EYS: variants seen among roughly 807,000 people sequenced by gnomAD.
EYS encodes the protein EGF-like photoreceptor maintenance factor, also known as protein eyes shut homolog.
In EYS, 250 loss-of-function variants were observed where a neutral mutation model predicts 282.1. That is an observed-to-expected ratio of 0.89 (90% CI 0.80 to 0.98). The LOEUF is 0.98. EYS is among the 50% of genes least tolerant of loss of function. EYS has a pLI of 0.00. For synonymous variants in EYS, 1,355 were observed against 1,282.9 expected, an observed-to-expected ratio of 1.06 and a Z score of -1.20; for missense variants, 4,016 against 3,709.0, an observed-to-expected ratio of 1.08 and a Z score of -2.15.
intron 30 of EYS, among the ~76,000 whole-genome samples, chr6:64,255,169 C>T (rs1339741046): frequency 6.6e-6 from 1 of 151,962 alleles, no homozygotes; most frequent in African/African-American, 2.4e-5. Context: ...TCAGTAGAAG[C>T]TGAGGCAAAA....
chr6:65,031,033 C>T (rs1016789426), intron 13 of EYS, among the ~76,000 whole-genome samples: 1 of 151,328 alleles, frequency 6.6e-6, no homozygotes, highest in African/African-American at 2.4e-5. Flanking sequence ...TTTAAACCAG[C>T]AAAGATAAAA....
At position 64,680,425 on chromosome 6, in the gene EYS, C is replaced by G. The variant is rs545559488; in HGVS notation, c.3444-54180G>C. ...AAATGAGTGCTGAGAGTCTGTGACA[C>G]TTGAACCACAACCCATTAACCACAA... is the stretch of plus-strand genomic sequence containing the variant. On this transcript the variant is annotated intron_variant, in intron 22 of 42. Transcript: ENST00000503581. Among the ~76,000 whole-genome samples, 104 of 152,328 alleles carry G rather than the reference C, an allele frequency of 6.8e-4. No homozygotes were observed. The Middle Eastern group carries it at 0.01, about 15-fold the overall frequency.
At chr6:64,451,787 A>G (rs1775357079) in intron 26 of EYS, among the ~76,000 whole-genome samples, 1 of 152,230 alleles carries the variant, frequency 6.6e-6, no homozygotes, top group Admixed American at 6.5e-5. Context: ...GATGCAGAAA[A>G]GGCTTTTGAC....
chr6:63,948,570 GACAA>G (rs1020634259), intron 35 of EYS, among the ~76,000 whole-genome samples: 2 of 152,050 alleles, frequency 1.3e-5, no homozygotes, highest in Non-Finnish European at 2.9e-5. Flanking sequence ...CATTTTAGGG[GACAA>G]ACATTTTTCT....
intron 5 of EYS, among the ~76,000 whole-genome samples, chr6:65,435,275 G>A (rs1271839625): frequency 4.0e-5 from 6 of 151,884 alleles, no homozygotes; most frequent in African/African-American, 9.7e-5. Context: ...TATTTATGAT[G>A]ATAAAGCCTT....
chr6:64,971,010 TAAGG>T (rs1770274826), intron 14 of EYS, among the ~76,000 whole-genome samples: 1 of 152,160 alleles, frequency 6.6e-6, no homozygotes, highest in African/African-American at 2.4e-5. Flanking sequence ...AGGATTGCTC[TAAGG>T]AAGGCATAAC....
chr6:63,733,037 T>G (rs1464317277), intron 41 of EYS, among the ~76,000 whole-genome samples: 1 of 152,064 alleles, frequency 6.6e-6, no homozygotes, highest in Non-Finnish European at 1.5e-5. Flanking sequence ...AGGTAAAGAA[T>G]TGGGCCAAGT....
At chr6:63,860,282 A>T (rs551815560) in intron 36 of EYS, among the ~76,000 whole-genome samples, 24 of 152,192 alleles carry the variant, frequency 1.6e-4, no homozygotes, top group Middle Eastern at 3.4e-3. Context: ...TTTTTTTGTG[A>T]CTCAAAAATA....
At chr6:64,765,247 G>A (rs1472007793) in intron 22 of EYS, among the ~76,000 whole-genome samples, 1 of 152,138 alleles carries the variant, frequency 6.6e-6, no homozygotes, top group Non-Finnish European at 1.5e-5. Context: ...CTAAAGCATA[G>A]CAAGAATGAC....
In EYS at chr6:65,295,945, G is replaced by T. The variant is rs1768650534; in HGVS notation, c.1941C>A (p.Cys647Ter). Residue 647 changes from cysteine (C) to a stop codon, truncating the protein, a stop_gained, in exon 12 of 43, where the codon TGC (cysteine) becomes TGA (stop). Transcript: ENST00000503581. LOFTEE classifies it high-confidence loss of function. ...TTCCATTTTTGCAGGACGCAGATTT[G>T]CAGTCTTCAGTATCTATCTCACAGA... Reference protein sequence around the residue: ...RNICEIDTEDCKSASCKNGTT... With the variant: ...RNICEIDTED 1.3e-6 allele frequency: 2 copies of T among 1,550,676 alleles called. No individual in the cohort carries two copies. Among genetic ancestry groups the T allele is most frequent in the Non-Finnish European group, 8.7e-7 (1 of 1,146,402 alleles).
chr6:63,767,480 AG>A (rs1301254806), intron 40 of EYS, among the ~76,000 whole-genome samples: 1 of 152,142 alleles, frequency 6.6e-6, no homozygotes, highest in African/African-American at 2.4e-5. Flanking sequence ...TCCCATTTAC[AG>A]TAGCCACAAA....
intron 1 of EYS, among the ~76,000 whole-genome samples, chr6:65,665,310 T>C (rs931444537): frequency 9.2e-5 from 14 of 152,266 alleles, no homozygotes; most frequent in Admixed American, 2.6e-4. Context: ...CCAGGAAGTA[T>C]ACTTTCTTTC....
intron 26 of EYS, among the ~76,000 whole-genome samples, chr6:64,557,237 C>T (rs867882277): frequency 8.6e-4 from 130 of 151,042 alleles, no homozygotes; most frequent in African/African-American, 3.1e-3. Context: ...CACACACACA[C>T]ACACACACAC....
intron 40 of EYS, among the ~76,000 whole-genome samples, chr6:63,768,274 CA>C (rs1168532992): frequency 7.9e-5 from 12 of 151,910 alleles, no homozygotes; most frequent in Admixed American, 7.9e-4. Flanking sequence ...AAACTATCAA[CA>C]GAGTAAACAG....
intron 14 of EYS, among the ~76,000 whole-genome samples, chr6:64,966,107 T>C (rs897786179): frequency 2.6e-5 from 4 of 152,140 alleles, no homozygotes; most frequent in Non-Finnish European, 4.4e-5. Flanking sequence ...GCCTTTGAGT[T>C]GGAGAAAAGA....
At chr6:65,570,067 A>G (rs944876693) in intron 2 of EYS, among the ~76,000 whole-genome samples, 12 of 152,058 alleles carry the variant, frequency 7.9e-5, no homozygotes, top group Non-Finnish European at 1.5e-4. Context: ...TCTTATTCCA[A>G]CCTCAATGCC....
chr6:65,423,707 A>C (rs111933857), intron 5 of EYS, among the ~76,000 whole-genome samples: 179 of 151,936 alleles, frequency 1.2e-3, no homozygotes, highest in African/African-American at 3.9e-3. Flanking sequence ...GGCCCAACTC[A>C]AGCAAGGCCA....
chr6:63,781,609 G>A (rs1257367679), intron 39 of EYS, among the ~76,000 whole-genome samples: 1 of 152,156 alleles, frequency 6.6e-6, no homozygotes, highest in African/African-American at 2.4e-5. Context: ...TGTATCCTGA[G>A]ACTTTGCTGA....
chr6:64,741,255 G>T (rs1772361163), intron 22 of EYS, among the ~76,000 whole-genome samples: 1 of 152,128 alleles, frequency 6.6e-6, no homozygotes, highest in Non-Finnish European at 1.5e-5. Context: ...GCTCTTGGGT[G>T]ACCAGGCCCC....
Sources: allele counts gnomAD v4.1 joint callset (sites outside exome capture counted in the v4.1 genomes callset), GRCh38; gene constraint gnomAD v4.1.1; transcripts MANE v1.5; gene names NCBI Gene and HGNC (gene_info 2026-07-23, HGNC 2026-07-21).